AIM2: variants seen among roughly 807,000 people sequenced by gnomAD.
AIM2 encodes absent in melanoma 2, also known as interferon-inducible protein AIM2.
Under a neutral mutation model 27.7 loss-of-function variants are expected in AIM2, and 30 were observed. The ratio of observed to expected loss-of-function variants is 1.08; its 90% CI spans 0.81 to 1.47. The LOEUF (loss-of-function observed/expected upper bound fraction) is 1.47, where lower values mean the gene tolerates loss of function less well. Ranked by LOEUF, AIM2 falls within the 40% of genes most tolerant of loss-of-function variation. The pLI is 0.00. For synonymous variants in AIM2, 141 were observed against 145.3 expected, an observed-to-expected ratio of 0.97 and a Z score of 0.21; for missense variants, 358 against 411.3, an observed-to-expected ratio of 0.87 and a Z score of 1.12.
rs759166311 is a variant in AIM2, at chr1:159,137,908, C to T, written c.-16+2523G>A. On this transcript the variant is annotated intron_variant, in intron 1 of 2. Transcript: ENST00000368129. ...CATGAGATTTAAGTCAGCAGTGCAG[C>T]ATGCCTGCACTGGTCTGCATATGTA... is the stretch of plus-strand genomic sequence containing the variant. Among the ~76,000 whole-genome samples, 3 of 152,302 alleles carry T rather than the reference C, an allele frequency of 2.0e-5. 1 individual carries two copies. The highest frequency in any genetic ancestry group is 4.1e-4 in the South Asian group (2 of 4,828).
At chr1:159,109,565 T>C (rs1240499687) in intron 1 of AIM2, among the ~76,000 whole-genome samples, 3 of 152,102 alleles carry the variant, frequency 2.0e-5, no homozygotes, top group Non-Finnish European at 4.4e-5. Flanking sequence ...TAGGTGGGAT[T>C]TAATTAAACT....
intron 1 of AIM2, among the ~76,000 whole-genome samples, chr1:159,117,660 A>G (rs1647412476): frequency 6.6e-6 from 1 of 152,156 alleles, no homozygotes; most frequent in South Asian, 2.1e-4. Context: ...AAATGGTTAA[A>G]AATATAAAAG....
At chr1:159,112,235 G>A (rs1426863885) in intron 1 of AIM2, among the ~76,000 whole-genome samples, 1 of 152,106 alleles carries the variant, frequency 6.6e-6, no homozygotes, top group East Asian at 1.9e-4. Flanking sequence ...AGAAAAGAAT[G>A]AGAAAAGACA....
At chr1:159,125,375 A>G (rs1237929271) in intron 1 of AIM2, among the ~76,000 whole-genome samples, 2 of 152,222 alleles carry the variant, frequency 1.3e-5, no homozygotes. Context: ...CAAACATAAC[A>G]ACATTTCTCC....
At chr1:159,128,260 TACACAC>T (rs35254795) in intron 1 of AIM2, among the ~76,000 whole-genome samples, 16 of 147,852 alleles carry the variant, frequency 1.1e-4, no homozygotes, top group Non-Finnish European at 1.3e-4. Flanking sequence ...TGCCAAGGCT[TACACAC>T]ACACACACAC....
chr1:159,073,566 C>G, intron 1 of AIM2, 47 bp from the exon 2 acceptor site: 1 of 1,510,230 alleles, frequency 6.6e-7, no homozygotes, highest in Non-Finnish European at 8.9e-7. Context: ...AAAAGTGATT[C>G]TACATTCAAA....
downstream of AIM2, among the ~76,000 whole-genome samples, chr1:159,058,348 CAAAAAA>C (rs34913942): frequency 8.5e-6 from 1 of 117,852 alleles, no homozygotes. Flanking sequence ...GATTCTGTCT[CAAAAAA>C]AAAAAAAAAA....
At chr1:159,119,139 A>G (rs1439043169) in intron 1 of AIM2, among the ~76,000 whole-genome samples, 1 of 152,104 alleles carries the variant, frequency 6.6e-6, no homozygotes, top group African/African-American at 2.4e-5. Flanking sequence ...ACACCTCCCT[A>G]AGTGAGTATG....
At chr1:159,128,116 T>C (rs1647771242) in intron 1 of AIM2, among the ~76,000 whole-genome samples, 1 of 152,238 alleles carries the variant, frequency 6.6e-6, no homozygotes. Flanking sequence ...TCTTGTTTAT[T>C]GCAACCTCCC....
chr1:159,112,946 T>G (rs973174198), intron 1 of AIM2, among the ~76,000 whole-genome samples: 1 of 150,342 alleles, frequency 6.7e-6, no homozygotes, highest in African/African-American at 2.4e-5. Flanking sequence ...TATATATATA[T>G]ATATAATTTT....
At chr1:159,069,437 A>C (rs11265138) in intron 2 of AIM2, among the ~76,000 whole-genome samples, 217 of 152,126 alleles carry the variant, frequency 1.4e-3, no homozygotes, top group African/African-American at 4.5e-3. Flanking sequence ...CTCTCTCTCT[A>C]TATATATGTA....
intron 1 of AIM2, among the ~76,000 whole-genome samples, chr1:159,138,839 G>T (rs570733465): frequency 1.3e-5 from 2 of 152,224 alleles, no homozygotes; most frequent in East Asian, 3.9e-4. Flanking sequence ...TATCCTGCCC[G>T]CATACTTTTC....
chr1:159,131,351 A>ATGTG (rs1647868018), intron 1 of AIM2, among the ~76,000 whole-genome samples: 1 of 152,180 alleles, frequency 6.6e-6, no homozygotes, highest in Admixed American at 6.5e-5. Context: ...GTGCATATAT[A>ATGTG]TATGTATATG....
intron 1 of AIM2, among the ~76,000 whole-genome samples, chr1:159,095,924 T>G (rs1162469074): frequency 6.6e-6 from 1 of 152,168 alleles, no homozygotes; most frequent in Non-Finnish European, 1.5e-5. Context: ...TGAGAAGAAA[T>G]TGCAAAGAGT....
intron 1 of AIM2, among the ~76,000 whole-genome samples, chr1:159,094,542 T>C (rs1360645685): frequency 2.6e-5 from 4 of 151,962 alleles, no homozygotes; most frequent in Non-Finnish European, 5.9e-5. Flanking sequence ...ACTAAAAATA[T>C]AAAAACTTAG....
chr1:159,062,447 AG>A (rs1387517955), downstream of AIM2: 1 of 549,710 alleles, frequency 1.8e-6, no homozygotes, highest in African/African-American at 1.9e-5. Flanking sequence ...GCTTGAGACA[AG>A]GGATTGACAA....
intron 1 of AIM2, among the ~76,000 whole-genome samples, chr1:159,126,430 G>A (rs1003466275): frequency 2.0e-5 from 3 of 152,054 alleles, no homozygotes; most frequent in African/African-American, 7.2e-5. Flanking sequence ...GGCGGATCAC[G>A]AGGTCAGGAG....
intron 5 of AIM2, 89 bp downstream of exon 5, chr1:159,063,397 C>T: frequency 4.7e-6 from 6 of 1,272,430 alleles, no homozygotes; most frequent in Middle Eastern, 1.9e-4. Context: ...CACTCTATAT[C>T]CTGTTCAATG....
chr1:159,145,492 C>T (rs1487083784), upstream of AIM2, among the ~76,000 whole-genome samples: 1 of 152,146 alleles, frequency 6.6e-6, no homozygotes, highest in Admixed American at 6.5e-5. Flanking sequence ...GGTAACAATT[C>T]AGCATGAGAA....
Sources: gnomAD v4.1 joint callset for allele counts (sites outside exome capture counted in the v4.1 genomes callset) on GRCh38, gnomAD v4.1.1 for gene constraint, MANE v1.5 for transcripts, NCBI Gene and HGNC (gene_info 2026-07-23, HGNC 2026-07-21) for gene names.